UGT1A4: variants seen among roughly 807,000 people sequenced by gnomAD.
The protein encoded by UGT1A4 is UDP glucuronosyltransferase family 1 member A4, also known as UDP-glucuronosyltransferase 1A4.
UGT1A4 carries 32 observed loss-of-function variants against 41.1 expected under a neutral mutation model. The observed-to-expected ratio is 0.78, with a 90% confidence interval of 0.59 to 1.05. The LOEUF (loss-of-function observed/expected upper bound fraction) is 1.05, where lower values mean the gene tolerates loss of function less well. Among genes scored for constraint, UGT1A4 ranks in the 50% least tolerant of loss-of-function variants. UGT1A4 has a pLI of 0.00. For missense variants in UGT1A4, 748 were observed against 677.4 expected (o/e 1.10, Z -1.16); for synonymous variants, 283 against 265.1 (o/e 1.07, Z -0.66).
At chr2:233,771,134 C>T (rs1700244933) in intron 4 of UGT1A4, 1 of 152,302 alleles carries the variant, frequency 6.6e-6, no homozygotes, top group Admixed American at 6.5e-5. Flanking sequence ...CCCCATGATC[C>T]AAACACCTCC....
chr2:233,761,403 A>G (rs1379452016), intron 1 of UGT1A4, among the ~76,000 whole-genome samples: 2 of 152,210 alleles, frequency 1.3e-5, no homozygotes, highest in Non-Finnish European at 2.9e-5. Context: ...ATAGTAATCA[A>G]TTAGAAACAA....
At chr2:233,759,366 G>C (rs1046941643) in intron 1 of UGT1A4, among the ~76,000 whole-genome samples, 1 of 152,134 alleles carries the variant, frequency 6.6e-6, no homozygotes, top group Non-Finnish European at 1.5e-5. Context: ...ACTATAAAAA[G>C]GTACAGGTTT....
At chr2:233,731,985 C>T (rs770013724) in intron 1 of UGT1A4, among the ~76,000 whole-genome samples, 2 of 152,098 alleles carry the variant, frequency 1.3e-5, no homozygotes, top group Admixed American at 6.6e-5. Flanking sequence ...TTCTAACTGG[C>T]GTGAGATGGT....
chr2:233,732,187 T>A (rs1208942710), intron 1 of UGT1A4, among the ~76,000 whole-genome samples: 3 of 152,250 alleles, frequency 2.0e-5, no homozygotes, highest in African/African-American at 7.2e-5. Flanking sequence ...ATTCTGGATA[T>A]TAGCCCTTTG....
intron 1 of UGT1A4, among the ~76,000 whole-genome samples, chr2:233,757,459 C>T (rs1280909636): frequency 8.7e-5 from 13 of 149,420 alleles, no homozygotes; most frequent in African/African-American, 2.0e-4. Flanking sequence ...ATGTCCAGAG[C>T]GCTTACTGTC....
chr2:233,748,071 C>G (rs1693854159), intron 1 of UGT1A4: 1 of 1,613,254 alleles, frequency 6.2e-7, no homozygotes, highest in Non-Finnish European at 8.5e-7. Flanking sequence ...CAGGAAGCCA[C>G]TATCTCAGGT....
intron 1 of UGT1A4, among the ~76,000 whole-genome samples, chr2:233,738,158 C>T (rs1307511207): frequency 6.6e-6 from 1 of 152,194 alleles, no homozygotes; most frequent in Admixed American, 6.5e-5. Flanking sequence ...AGCTATTCCT[C>T]TTTCTCTCTT....
chr2:233,772,832 C>A lies in UGT1A4; in HGVS notation c.*273C>A. ...GAGGACGTGCAGACAGGCTGGCATT[C>A]TAGATTACTTTTCTTACTCTGAAAC... On this transcript the variant is annotated 3_prime_UTR_variant, in exon 5 of 5. Coordinates refer to ENST00000373409, the MANE Select transcript of UGT1A4 (RefSeq NM_007120.3). 1 of 899,518 alleles carries A rather than the reference C, an allele frequency of 1.1e-6. No homozygotes were observed. Among genetic ancestry groups the A allele is most frequent in the Non-Finnish European group, 1.5e-6 (1 of 646,888 alleles). The allele number at this position is 899,518 out of a possible 1,614,324, so 55.7% of individuals were successfully genotyped here.
intron 1 of UGT1A4, among the ~76,000 whole-genome samples, chr2:233,758,016 C>T (rs917731402): frequency 6.6e-6 from 1 of 152,144 alleles, no homozygotes; most frequent in African/African-American, 2.4e-5. Context: ...GAGTTTGTCT[C>T]TGTCTACCTG....
rs1699915243 is a variant in UGT1A4, at chr2:233,769,658, C to T, written c.1307+1219C>T. On this transcript the variant is annotated intron_variant, in intron 4 of 4. Coordinates refer to ENST00000373409, the MANE Select transcript of UGT1A4 (RefSeq NM_007120.3). The surrounding 1 kb of genome is among the most constrained non-coding windows in gnomAD (Gnocchi z 4.4). ...GGAGGACTGATGACTGACTTCCCAC[C>T]TTTGAGGTGCTAATGTGTGTGTGGT... 2 of 1,600,404 alleles carry T rather than the reference C, an allele frequency of 1.2e-6. No individual in the cohort carries two copies. The highest frequency in any genetic ancestry group is 2.7e-5 in the African/African-American group (2 of 74,670).
intron 1 of UGT1A4, chr2:233,747,252 C>T (rs766084078): frequency 6.9e-6 from 11 of 1,600,814 alleles, no homozygotes; most frequent in Non-Finnish European, 9.4e-6. Context: ...TGTGGCTGGC[C>T]ACAGGAGTGC....
intron 1 of UGT1A4, among the ~76,000 whole-genome samples, chr2:233,736,128 G>A (rs1042776014): frequency 2.0e-5 from 3 of 152,068 alleles, no homozygotes; most frequent in Non-Finnish European, 4.4e-5. Flanking sequence ...TCCATTCTCC[G>A]CATCACTTTC....
chr2:233,762,115 C>A (rs1697973235), intron 1 of UGT1A4, among the ~76,000 whole-genome samples: 1 of 152,304 alleles, frequency 6.6e-6, no homozygotes, highest in South Asian at 2.1e-4. Flanking sequence ...CGCTTCACAT[C>A]ATGAGCCATG....
chr2:233,746,319 GA>G (rs1693359020), intron 1 of UGT1A4, among the ~76,000 whole-genome samples: 9 of 151,794 alleles, frequency 5.9e-5, no homozygotes, highest in Non-Finnish European at 1.0e-4. Context: ...CCCTGTAGAT[GA>G]TCTACAGGGC....
Position 233,729,631 on chromosome 2 carries a change from A to G in UGT1A4, c.867+9944A>G, listed in dbSNP as rs141036072. The stretch of plus-strand genomic sequence containing the variant: ...GCTGGCTAAGTACCTGTCGATTCCT[A>G]CTGTGTTTTTTTTGAGGAACATTCC... On this transcript the variant is annotated intron_variant, in intron 1 of 4. Coordinates refer to ENST00000373409, the MANE Select transcript of UGT1A4 (RefSeq NM_007120.3). 1,000 of 1,613,764 alleles carry G rather than the reference A, an allele frequency of 6.2e-4. 4 individuals are homozygous for G. The highest frequency in any genetic ancestry group is 6.0e-4 in the Non-Finnish European group (708 of 1,179,854).
intron 1 of UGT1A4, chr2:233,754,896 C>G: frequency 7.4e-7 from 1 of 1,350,638 alleles, no homozygotes; most frequent in Non-Finnish European, 9.9e-7. Flanking sequence ...GTTCCTCTGA[C>G]CCCCCAAAAT....
At position 233,719,382 on chromosome 2, in the gene UGT1A4, C is replaced by G; in HGVS notation, c.562C>G (p.Pro188Ala). 1.2e-6 allele frequency: 2 copies of G among 1,613,952 alleles called. No individual in the cohort carries two copies. Among genetic ancestry groups the G allele is most frequent in the Middle Eastern group, 1.7e-4 (1 of 6,056 alleles). Residue 188 changes from proline (P) to alanine (A), a missense_variant, in exon 1 of 5, where the codon CCA (proline) becomes GCA (alanine). Transcript: ENST00000373409. ...CDLDFKGTQC[P>A]NPSSYIPKLL... is the part of the protein sequence containing the mutation. ...CTTAGACTTTAAGGGCACACAGTGT[C>G]CAAATCCTTCCTCCTATATTCCTAA... is the stretch of plus-strand genomic sequence containing the variant.
Position 233,769,857 on chromosome 2 carries a change from C to CTAA in UGT1A4, c.1307+1418_1307+1419insTAA. Reference sequence around the variant, plus strand: ...TGGGCAACAGAGTGAGACCCTGTCTCAAAAAAAAAAAAAAAAATGAAAAGT... The same window carrying CTAA: ...TGGGCAACAGAGTGAGACCCTGTCTCTAAAAAAAAAAAAAAAAAAATGAAAAGT... On this transcript the variant is annotated intron_variant, in intron 4 of 4. Coordinates refer to ENST00000373409, the MANE Select transcript of UGT1A4 (RefSeq NM_007120.3). This position sits in a 1 kb window ranked among gnomAD's most constrained non-coding sequence, Gnocchi z 4.4. 4.5e-6 allele frequency: 1 copy of CTAA among 223,668 alleles called. No homozygotes were observed. Among genetic ancestry groups the CTAA allele is most frequent in the Non-Finnish European group, 8.0e-6 (1 of 125,120 alleles). The allele number at this position is 223,668 out of a possible 1,614,324, so 13.9% of individuals were successfully genotyped here.
At chr2:233,720,033 T>A (rs13401281) in intron 1 of UGT1A4, among the ~76,000 whole-genome samples, 3 of 152,074 alleles carry the variant, frequency 2.0e-5, no homozygotes, top group South Asian at 4.2e-4. Context: ...TTTGCTTGCC[T>A]GATTTTCAGC....
Sources: gnomAD v4.1 joint callset for allele counts (sites outside exome capture counted in the v4.1 genomes callset) on GRCh38, gnomAD v4.1.1 for gene constraint, Gnocchi (gnomAD v3.1) non-coding constraint, MANE v1.5 for transcripts, NCBI Gene and HGNC (gene_info 2026-07-23, HGNC 2026-07-21) for gene names.